GFRA2: variants seen among roughly 807,000 people sequenced by gnomAD.
The protein encoded by GFRA2 is GDNF family receptor alpha-2.
Under a neutral mutation model 48.3 loss-of-function variants are expected in GFRA2, and 17 were observed. The ratio of observed to expected loss-of-function variants is 0.35; its 90% CI spans 0.24 to 0.53. The LOEUF is 0.53. Among genes scored for constraint, GFRA2 ranks in the 20% least tolerant of loss-of-function variants. The probability of loss-of-function intolerance (pLI) is 0.93; values close to 1 mark genes in which losing one functional copy is unlikely to be tolerated. For synonymous variants in GFRA2, 305 were observed against 257.2 expected (o/e 1.19, Z -1.78); for missense variants, 660 against 637.3 (o/e 1.04, Z -0.38).
chr8:21,777,614 G>C (rs1806771158), intron 2 of GFRA2, among the ~76,000 whole-genome samples: 1 of 152,222 alleles, frequency 6.6e-6, no homozygotes, highest in Admixed American at 6.5e-5. Flanking sequence ...CTGAATTTCA[G>C]TGTCACCTTT....
chr8:21,759,499 AAGG>A (rs1397753568), intron 3 of GFRA2, among the ~76,000 whole-genome samples: 2 of 130,234 alleles, frequency 1.5e-5, no homozygotes. Context: ...GGAAGGAAGG[AAGG>A]AAGGAAGGAA....
chr8:21,716,215 C>T (rs1803324969), intron 4 of GFRA2, among the ~76,000 whole-genome samples: 2 of 151,534 alleles, frequency 1.3e-5, no homozygotes, highest in African/African-American at 2.4e-5. Flanking sequence ...CCCACCTCCT[C>T]GGGAGGCTGA....
chr8:21,774,509 G>A (rs956005723), intron 3 of GFRA2, among the ~76,000 whole-genome samples: 3 of 152,166 alleles, frequency 2.0e-5, no homozygotes, highest in African/African-American at 4.8e-5. Context: ...TGACTGATGC[G>A]GCGTGCTGAG....
chr8:21,802,042 C>G (rs1807781642), intron 2 of GFRA2, among the ~76,000 whole-genome samples: 1 of 152,258 alleles, frequency 6.6e-6, no homozygotes, highest in African/African-American at 2.4e-5. Context: ...ATTTCTGACA[C>G]CACCATGTGG....
intron 7 of GFRA2, among the ~76,000 whole-genome samples, chr8:21,702,036 C>A (rs1048000945): frequency 1.3e-4 from 20 of 152,142 alleles, no homozygotes; most frequent in Non-Finnish European, 2.6e-4. Context: ...TCTGGAGGAC[C>A]TGACAGATGG....
chr8:21,726,587 C>T (rs1585260018), intron 4 of GFRA2, among the ~76,000 whole-genome samples: 1 of 152,088 alleles, frequency 6.6e-6, no homozygotes, highest in South Asian at 2.1e-4. Flanking sequence ...GCCCGGCATC[C>T]GTTGCTTGTG....
At chr8:21,706,542 G>A (rs1327535202) in intron 4 of GFRA2, 21 of 423,070 alleles carry the variant, frequency 5.0e-5, no homozygotes, top group Admixed American at 2.3e-4. Flanking sequence ...GGAAGCCAGT[G>A]GCCAGGGAGG....
chr8:21,711,547 T>C (rs1407925516), intron 4 of GFRA2, among the ~76,000 whole-genome samples: 1 of 152,182 alleles, frequency 6.6e-6, no homozygotes, highest in Non-Finnish European at 1.5e-5. Flanking sequence ...AGAGAGACAC[T>C]TGACCCCCAG....
intron 4 of GFRA2, among the ~76,000 whole-genome samples, chr8:21,734,500 T>C (rs80051920): frequency 0.03 from 4,509 of 152,346 alleles, 87 homozygotes; most frequent in East Asian, 0.045. Context: ...CTCTTTTTTT[T>C]CCTGCAACAG....
At chr8:21,736,651 G>A (rs553377835) in intron 4 of GFRA2, among the ~76,000 whole-genome samples, 62 of 151,940 alleles carry the variant, frequency 4.1e-4, no homozygotes, top group African/African-American at 1.4e-3. Flanking sequence ...AGGCACCACC[G>A]TATCTGGCTA....
intron 4 of GFRA2, among the ~76,000 whole-genome samples, chr8:21,742,836 G>C (rs570633718): frequency 6.6e-6 from 1 of 152,168 alleles, no homozygotes. Context: ...TAGCCAAACA[G>C]GATCCGCATC....
intron 3 of GFRA2, among the ~76,000 whole-genome samples, chr8:21,772,233 C>T (rs952417840): frequency 3.9e-5 from 6 of 152,158 alleles, no homozygotes; most frequent in Non-Finnish European, 7.3e-5. Flanking sequence ...ATTGGAACCG[C>T]CTCCCAGCTC....
upstream of GFRA2, among the ~76,000 whole-genome samples, chr8:21,791,502 A>G (rs1381357379): frequency 2.6e-5 from 4 of 152,184 alleles, no homozygotes; most frequent in African/African-American, 9.7e-5. Flanking sequence ...GCTCTTAAAA[A>G]TGGCATCATC....
Position 21,693,227 on chromosome 8 carries a change from C to A in GFRA2, c.*51G>T. 1 of 1,553,918 alleles carries A rather than the reference C, an allele frequency of 6.4e-7. No individual in the cohort carries two copies. Among genetic ancestry groups the A allele is most frequent in the Non-Finnish European group, 8.7e-7 (1 of 1,144,956 alleles). ...TGTGTGTTTCCATTTCGTCAGGCGG[C>A]TGTTCTTGTCTGCGTAGCTTTCAAA... On this transcript the variant is annotated 3_prime_UTR_variant, in exon 9 of 9. Transcript: ENST00000524240.
At chr8:21,736,020 G>A (rs1804442804) in intron 4 of GFRA2, among the ~76,000 whole-genome samples, 1 of 152,220 alleles carries the variant, frequency 6.6e-6, no homozygotes, top group South Asian at 2.1e-4. Context: ...GAAGACCACT[G>A]GTTCACTCGG....
chr8:21,798,311 A>G (rs1348382060), intron 2 of GFRA2, among the ~76,000 whole-genome samples: 1 of 152,176 alleles, frequency 6.6e-6, no homozygotes, highest in Non-Finnish European at 1.5e-5. Context: ...GGGTAGCGCA[A>G]TGCCCATGGT....
At chr8:21,720,714 C>T (rs1803553986) in intron 4 of GFRA2, among the ~76,000 whole-genome samples, 1 of 152,186 alleles carries the variant, frequency 6.6e-6, no homozygotes, top group Admixed American at 6.5e-5. Flanking sequence ...AAACTTCCTC[C>T]AGTTCACCCT....
chr8:21,697,774 C>T (rs1802281227), intron 7 of GFRA2, among the ~76,000 whole-genome samples: 2 of 152,162 alleles, frequency 1.3e-5, no homozygotes, highest in Non-Finnish European at 2.9e-5. Flanking sequence ...TGGGTCTCTT[C>T]CATGCTGTTC....
intron 3 of GFRA2, among the ~76,000 whole-genome samples, chr8:21,772,007 G>GTGCGACGCACA (rs1806460842): frequency 6.6e-6 from 1 of 152,138 alleles, no homozygotes; most frequent in African/African-American, 2.4e-5. Context: ...CACAGGTGGG[G>GTGCGACGCACA]GATACATGTG....
Sources: gnomAD v4.1 joint callset for allele counts (sites outside exome capture counted in the v4.1 genomes callset) on GRCh38, gnomAD v4.1.1 for gene constraint, MANE v1.5 for transcripts, NCBI Gene and HGNC (gene_info 2026-07-23, HGNC 2026-07-21) for gene names.